PARVB: variants seen among roughly 807,000 people sequenced by gnomAD.
PARVB encodes the protein parvin beta.
Under a neutral mutation model 47.0 loss-of-function variants are expected in PARVB, and 46 were observed. The observed-to-expected ratio is 0.98, with a 90% confidence interval of 0.77 to 1.25. The LOEUF (loss-of-function observed/expected upper bound fraction) is 1.25, where lower values mean the gene tolerates loss of function less well. Ranked by LOEUF, PARVB falls within the 50% of genes most tolerant of loss-of-function variation. PARVB has a pLI of 0.00. For missense variants in PARVB, 473 were observed against 471.6 expected, an observed-to-expected ratio of 1.00 and a Z score of -0.03; for synonymous variants, 196 against 196.3, an observed-to-expected ratio of 1.00 and a Z score of 0.01.
In PARVB at chr22:44,169,909, T is replaced by C. The variant is rs924192682; in HGVS notation, c.*1231T>C. On this transcript the variant is annotated 3_prime_UTR_variant, in exon 13 of 13. Coordinates refer to ENST00000338758, the MANE Select transcript of PARVB (RefSeq NM_013327.5). Reference sequence around the variant, plus strand: ...TTAGTAGAGACGGGGTTTCACCATGTTGGCCAGGATGGTCTTGATCTCCTG... The same window carrying C: ...TTAGTAGAGACGGGGTTTCACCATGCTGGCCAGGATGGTCTTGATCTCCTG... 1 of 149,798 alleles carries C rather than the reference T, an allele frequency of 6.7e-6. No homozygotes were observed. Among genetic ancestry groups the C allele is most frequent in the Admixed American group, 6.6e-5 (1 of 15,238 alleles). 9.3% of individuals were successfully genotyped at this position (149,798 alleles called of 1,614,324 possible).
At chr22:44,069,003 C>T (rs1253484965) in intron 1 of PARVB, 2 of 902,842 alleles carry the variant, frequency 2.2e-6, no homozygotes, top group Admixed American at 4.9e-5. Flanking sequence ...CCTCTGTGAC[C>T]TTCCTCAAAG....
At position 44,039,465 on chromosome 22, in the gene PARVB, C is replaced by T. The variant is rs530249917; in HGVS notation, c.112+15014C>T. Among the ~76,000 whole-genome samples, 13 of 151,788 alleles carry T rather than the reference C, an allele frequency of 8.6e-5. No homozygotes were observed. In the East Asian group the frequency reaches 2.3e-3, roughly 27 times the overall value. ...CTGAGGCAGGAGAATCACTTGAACC[C>T]GGGAGGTGGAGGTTGCAGTGGCAGT... is the stretch of plus-strand genomic sequence containing the variant. On this transcript the variant is annotated intron_variant, in intron 1 of 12. Coordinates refer to ENST00000338758, the MANE Select transcript of PARVB (RefSeq NM_013327.5).
intron 1 of PARVB, among the ~76,000 whole-genome samples, chr22:44,090,640 G>A (rs1450485502): frequency 6.6e-6 from 1 of 152,256 alleles, no homozygotes; most frequent in South Asian, 2.1e-4. Context: ...CAGGCACATG[G>A]GTGCAGTGCC....
At chr22:44,064,506 G>C (rs1249876132) in intron 1 of PARVB, among the ~76,000 whole-genome samples, 3 of 152,146 alleles carry the variant, frequency 2.0e-5, no homozygotes, top group Non-Finnish European at 4.4e-5. Flanking sequence ...AGAAGGGGCA[G>C]TTCTCACCTG....
intron 11 of PARVB, among the ~76,000 whole-genome samples, chr22:44,162,299 C>T (rs184725167): frequency 1.7e-3 from 260 of 152,278 alleles, no homozygotes; most frequent in African/African-American, 5.0e-3. Flanking sequence ...AAAATATGAT[C>T]GTTGAAAGGA....
chr22:44,006,061 G>T (rs1280029957), intron 2 of PARVB, among the ~76,000 whole-genome samples: 1 of 152,210 alleles, frequency 6.6e-6, no homozygotes, highest in Admixed American at 6.5e-5. Flanking sequence ...TCCCACCTCA[G>T]TCTCTGGAAT....
chr22:44,034,279 A>G (rs1603425807), intron 1 of PARVB, among the ~76,000 whole-genome samples: 1 of 146,586 alleles, frequency 6.8e-6, no homozygotes, highest in East Asian at 1.9e-4. Flanking sequence ...TATGTTTGAG[A>G]TGGGTGTCTT....
chr22:44,095,092 T>C (rs1019244131), intron 2 of PARVB, among the ~76,000 whole-genome samples: 1 of 145,720 alleles, frequency 6.9e-6, no homozygotes, highest in Admixed American at 6.9e-5. Context: ...GCTCAGGCTC[T>C]GAGTGGTTTT....
intron 4 of PARVB, among the ~76,000 whole-genome samples, chr22:44,127,991 G>C (rs1434784154): frequency 6.6e-6 from 1 of 152,120 alleles, no homozygotes; most frequent in South Asian, 2.1e-4. Flanking sequence ...TTGCCATGTT[G>C]CCCAGGCTAG....
intron 2 of PARVB, among the ~76,000 whole-genome samples, chr22:44,008,183 C>A (rs1269894298): frequency 1.3e-5 from 2 of 152,110 alleles, no homozygotes; most frequent in Non-Finnish European, 2.9e-5. Flanking sequence ...TCACTGCAAC[C>A]TCCGCCTCCC....
intron 2 of PARVB, among the ~76,000 whole-genome samples, chr22:44,095,246 C>T (rs1204772720): frequency 6.6e-6 from 1 of 152,118 alleles, no homozygotes; most frequent in Non-Finnish European, 1.5e-5. Flanking sequence ...CGGTGGCTCA[C>T]ACCTGTAATC....
chr22:44,096,239 A>G (rs1250053367), intron 2 of PARVB, among the ~76,000 whole-genome samples: 1 of 152,124 alleles, frequency 6.6e-6, no homozygotes. Context: ...AAATAATAAA[A>G]TAAAATAATT....
chr22:44,027,896 T>G (rs2050756713), intron 1 of PARVB, among the ~76,000 whole-genome samples: 1 of 128,590 alleles, frequency 7.8e-6, no homozygotes, highest in African/African-American at 3.1e-5. Context: ...AGACTCCATA[T>G]CAAATAGAAA....
intron 2 of PARVB, chr22:44,010,395 T>C (rs766651891): frequency 7.9e-5 from 12 of 152,246 alleles, no homozygotes; most frequent in Non-Finnish European, 1.2e-4. Flanking sequence ...CACTGTCCTA[T>C]AATTTGTGTA....
At chr22:44,154,534 G>GGT (rs111362553) in intron 10 of PARVB, among the ~76,000 whole-genome samples, 4,889 of 144,894 alleles carry the variant, frequency 0.034, 155 homozygotes, top group African/African-American at 0.07. Context: ...TAGTCTGGTG[G>GGT]GTGTGTGTGT....
At chr22:44,071,795 C>A (rs1321381296) in intron 1 of PARVB, among the ~76,000 whole-genome samples, 3 of 152,200 alleles carry the variant, frequency 2.0e-5, no homozygotes, top group Non-Finnish European at 4.4e-5. Flanking sequence ...AGTTATGGGA[C>A]CTTGACTTTC....
rs373296791 is a variant in PARVB at position 44,046,412 on chromosome 22, A to G, written c.112+21961A>G. ...GAGGACCTGGCGCCTCACCCTCATCATGGGATATCACTGACCACCAGTGGG... is the reference window on the plus strand; with the variant it reads ...GAGGACCTGGCGCCTCACCCTCATCGTGGGATATCACTGACCACCAGTGGG... On this transcript the variant is annotated intron_variant, in intron 1 of 12. Transcript: ENST00000338758. Among the ~76,000 whole-genome samples, 139 of 152,300 alleles carry G rather than the reference A, an allele frequency of 9.1e-4. 1 individual carries two copies. The highest frequency in any genetic ancestry group is 5.4e-3 in the South Asian group (26 of 4,826).
At chr22:44,046,728 T>G (rs908137651) in intron 1 of PARVB, among the ~76,000 whole-genome samples, 8 of 152,256 alleles carry the variant, frequency 5.3e-5, no homozygotes, top group Non-Finnish European at 1.0e-4. Flanking sequence ...CACAAAAGGT[T>G]CTGGCAGAAT....
chr22:44,081,171 G>A (rs936696767), intron 1 of PARVB, among the ~76,000 whole-genome samples: 3 of 152,200 alleles, frequency 2.0e-5, no homozygotes, highest in African/African-American at 4.8e-5. Context: ...TGTGCCCGGT[G>A]GGGCCCAAGG....
Sources: gnomAD v4.1 joint callset for allele counts (sites outside exome capture counted in the v4.1 genomes callset) on GRCh38, gnomAD v4.1.1 for gene constraint, MANE v1.5 for transcripts, NCBI Gene and HGNC (gene_info 2026-07-23, HGNC 2026-07-21) for gene names.